SPRTN: variants seen among roughly 807,000 people sequenced by gnomAD.
SPRTN encodes DNA-dependent metalloprotease SPRTN.
SPRTN carries 11 observed loss-of-function variants against 31.9 expected under a neutral mutation model. That is an observed-to-expected ratio of 0.34 (90% CI 0.22 to 0.57). The LOEUF (loss-of-function observed/expected upper bound fraction) is 0.57. SPRTN is among the 20% of genes least tolerant of loss of function. The pLI, the probability that SPRTN is intolerant of heterozygous loss-of-function variation, is 0.86. For missense variants in SPRTN, 482 were observed against 590.1 expected, an observed-to-expected ratio of 0.82 and a Z score of 1.90; for synonymous variants, 185 against 212.1, an observed-to-expected ratio of 0.87 and a Z score of 1.11.
chr1:231,346,494 T>TC (rs1403979666), intron 2 of SPRTN, among the ~76,000 whole-genome samples: 1 of 152,056 alleles, frequency 6.6e-6, no homozygotes, highest in Non-Finnish European at 1.5e-5. Flanking sequence ...TTATACTTCT[T>TC]CTGTGAACTC....
At chr1:231,339,400 G>T in intron 1 of SPRTN, 1 of 463,310 alleles carries the variant, frequency 2.2e-6, no homozygotes. Flanking sequence ...AGCTGTTGCA[G>T]CCTAGCTAGG....
chr1:231,347,199 A>G (rs770547921), intron 2 of SPRTN, among the ~76,000 whole-genome samples: 19 of 152,182 alleles, frequency 1.2e-4, no homozygotes, highest in Non-Finnish European at 2.4e-4. Flanking sequence ...AAAATCCGCA[A>G]TGCTCCAATG....
rs1165098926 is a variant in SPRTN, at chr1:231,354,964, C to G, written c.*1603C>G. ...TTTCGTTTTAGACTGGTTGGCTGTT[C>G]ACAAATTTTGATATTCCTTAAAGCA... On this transcript the variant is annotated 3_prime_UTR_variant, in exon 5 of 5. Coordinates refer to ENST00000295050, the MANE Select transcript of SPRTN (RefSeq NM_032018.7). The G allele has an allele frequency of 1.1e-6, 1 of 938,012 alleles. No homozygotes were observed. The highest frequency in any genetic ancestry group is 1.3e-6 in the Non-Finnish European group (1 of 786,984). 58.1% of individuals were successfully genotyped at this position (938,012 alleles called of 1,614,324 possible).
At chr1:231,339,168 TAC>T (rs1686785676) in intron 1 of SPRTN, among the ~76,000 whole-genome samples, 1 of 152,360 alleles carries the variant, frequency 6.6e-6, no homozygotes, top group Non-Finnish European at 1.5e-5. Context: ...AAGTTTAAGA[TAC>T]AGTTGTATCC....
chr1:231,343,297 G>C (rs1395819293), intron 2 of SPRTN, among the ~76,000 whole-genome samples: 5 of 151,462 alleles, frequency 3.3e-5, no homozygotes, highest in Admixed American at 2.0e-4. Flanking sequence ...TATAGCCTAG[G>C]TATATATACT....
intron 2 of SPRTN, among the ~76,000 whole-genome samples, chr1:231,346,792 A>G (rs1687075933): frequency 6.6e-6 from 1 of 152,084 alleles, no homozygotes; most frequent in Non-Finnish European, 1.5e-5. Flanking sequence ...AAATACAAAA[A>G]TTAGCCAGGC....
At chr1:231,351,000 TTA>T (rs973644820) in intron 3 of SPRTN, among the ~76,000 whole-genome samples, 4 of 152,248 alleles carry the variant, frequency 2.6e-5, no homozygotes, top group African/African-American at 9.6e-5. Context: ...TCTGAAACTT[TTA>T]GTGTTCATGA....
chr1:231,339,543 C>T, intron 1 of SPRTN: 1 of 730,080 alleles, frequency 1.4e-6, no homozygotes, highest in Non-Finnish European at 2.4e-6. Context: ...GTGGTGAGAG[C>T]ACGCTGCTTT....
intron 2 of SPRTN, among the ~76,000 whole-genome samples, chr1:231,342,854 C>T (rs531160154): frequency 6.6e-6 from 1 of 152,164 alleles, no homozygotes; most frequent in Non-Finnish European, 1.5e-5. Context: ...CCTGCGTCAG[C>T]CTCCCACATA....
intron 2 of SPRTN, among the ~76,000 whole-genome samples, chr1:231,343,793 A>T (rs1395433151): frequency 6.6e-6 from 1 of 151,988 alleles, no homozygotes. Context: ...CTGCGATTAA[A>T]ACATGGAGAG....
In SPRTN at chr1:231,353,436, G is replaced by C; in HGVS notation, c.*75G>C. 2 of 1,491,540 alleles carry C rather than the reference G, an allele frequency of 1.3e-6. No individual in the cohort carries two copies. The highest frequency in any genetic ancestry group is 1.8e-6 in the Non-Finnish European group (2 of 1,130,136). 92.4% of individuals were successfully genotyped at this position (1,491,540 alleles called of 1,614,324 possible). On this transcript the variant is annotated 3_prime_UTR_variant, in exon 5 of 5. Transcript: ENST00000295050. ...TATGTCAGCCAGTCAGGAAGTTCTG[G>C]TTAATACTAAGATTTGTAGGTTATA...
At chr1:231,343,318 G>GGT (rs1003523879) in intron 2 of SPRTN, among the ~76,000 whole-genome samples, 10 of 151,110 alleles carry the variant, frequency 6.6e-5, no homozygotes, top group African/African-American at 2.0e-4. Flanking sequence ...CTATAGCCTA[G>GGT]GTGTGTGTAT....
At position 231,353,315 on chromosome 1, in the gene SPRTN, G is replaced by A. The variant is rs772211381; in HGVS notation, c.1424G>A (p.Cys475Tyr). 1 of 1,597,874 alleles carries A rather than the reference G, an allele frequency of 6.3e-7. No individual in the cohort carries two copies. Among genetic ancestry groups the A allele is most frequent in the Non-Finnish European group, 8.5e-7 (1 of 1,175,800 alleles). Reference sequence around the variant, plus strand: ...CAGATTAATGAGCACTTGGACTGGTGCCTTGAAGGTGACAGCATCAAAGTC... The same window carrying A: ...CAGATTAATGAGCACTTGGACTGGTACCTTGAAGGTGACAGCATCAAAGTC... The part of the protein sequence containing the change: ...ESQINEHLDW[C>Y]LEGDSIKVKS... Residue 475 changes from cysteine (C) to tyrosine (Y), a missense_variant, in exon 5 of 5, where the codon TGC (cysteine) becomes TAC (tyrosine). This residue lies in a region of SPRTN where 325 missense variants were observed against 350.2 expected (regional missense o/e 0.93). Coordinates refer to ENST00000295050, the MANE Select transcript of SPRTN (RefSeq NM_032018.7).
chr1:231,354,490 T>A lies in SPRTN; in HGVS notation c.*1129T>A, dbSNP rs1687335679. 1.5e-6 allele frequency: 1 copy of A among 665,306 alleles called. No individual in the cohort carries two copies. The highest frequency in any genetic ancestry group is 2.0e-5 in the African/African-American group (1 of 51,094). 41.2% of individuals were successfully genotyped at this position (665,306 alleles called of 1,614,324 possible). Reference sequence around the variant, plus strand: ...TTCACCTGTGTAACTACCACCCGGATCAAGTTAGAGAACACTTCCATTGCC... The same window carrying A: ...TTCACCTGTGTAACTACCACCCGGAACAAGTTAGAGAACACTTCCATTGCC... On this transcript the variant is annotated 3_prime_UTR_variant, in exon 5 of 5. Transcript: ENST00000295050.
intron 4 of SPRTN, chr1:231,351,973 A>G: frequency 9.9e-7 from 1 of 1,009,150 alleles, no homozygotes; most frequent in Non-Finnish European, 1.2e-6. Flanking sequence ...CAATGCCCGG[A>G]ATATACGTCC....
chr1:231,338,759 G>C (rs552090150), intron 1 of SPRTN, among the ~76,000 whole-genome samples, 155 bp downstream of exon 1: 1 of 152,180 alleles, frequency 6.6e-6, no homozygotes, highest in Non-Finnish European at 1.5e-5. Flanking sequence ...GCCTCGGCGT[G>C]TTTCTGTCTT....
intron 2 of SPRTN, among the ~76,000 whole-genome samples, chr1:231,345,186 A>G (rs1409122855): frequency 6.7e-6 from 1 of 148,626 alleles, no homozygotes; most frequent in Admixed American, 6.8e-5. Flanking sequence ...CAATGGCATG[A>G]TCTCGGCTCA....
At chr1:231,352,401 A>AT (rs1033361594) in intron 4 of SPRTN, 120 of 1,224,246 alleles carry the variant, frequency 9.8e-5, no homozygotes, top group East Asian at 3.6e-4. Flanking sequence ...ATATGAGAGA[A>AT]TTTTTTTTTA....
chr1:231,347,651 A>G (rs1021000250), intron 2 of SPRTN, 146 bp from the exon 3 acceptor site: 1 of 970,256 alleles, frequency 1.0e-6, no homozygotes, highest in Non-Finnish European at 1.4e-6. Context: ...GGTGTGAGCC[A>G]CTGCACCCGG....
Sources: allele counts gnomAD v4.1 joint callset (sites outside exome capture counted in the v4.1 genomes callset), GRCh38; gene constraint gnomAD v4.1.1; regional missense constraint gnomAD v4.1.1; transcripts MANE v1.5; gene names NCBI Gene and HGNC (gene_info 2026-07-23, HGNC 2026-07-21).